The following ANO4 variants were observed in gnomAD, a reference collection of about 807,000 sequenced individuals.
ANO4 encodes anoctamin 4.
ANO4 carries 69 observed loss-of-function variants against 141.9 expected under a neutral mutation model. The observed-to-expected ratio is 0.49, with a 90% CI of 0.40 to 0.59. ANO4 has a LOEUF of 0.59. Among genes scored for constraint, ANO4 ranks in the 20% least tolerant of loss-of-function variants. The pLI is 0.00. For missense variants in ANO4, 894 were observed against 1,162.2 expected, an observed-to-expected ratio of 0.77 and a Z score of 3.36; for synonymous variants, 350 against 394.3, an observed-to-expected ratio of 0.89 and a Z score of 1.33.
At chr12:101,095,462 A>C (rs2049944843) in intron 18 of ANO4, among the ~76,000 whole-genome samples, 1 of 152,196 alleles carries the variant, frequency 6.6e-6, no homozygotes, top group South Asian at 2.1e-4. Context: ...CCATGTAACC[A>C]GGAGTTCAGT....
intron 1 of ANO4, among the ~76,000 whole-genome samples, chr12:100,847,713 C>T (rs528181298): frequency 1.2e-4 from 19 of 152,214 alleles, no homozygotes; most frequent in Admixed American, 4.6e-4. Context: ...CCTCATGATC[C>T]GCCTGCCTCG....
At chr12:100,768,407 C>T (rs994590560) in intron 3 of ANO4, among the ~76,000 whole-genome samples, 1 of 152,126 alleles carries the variant, frequency 6.6e-6, no homozygotes, top group Non-Finnish European at 1.5e-5. Context: ...TTCCTTGACT[C>T]TTGTGAAGGT....
intron 3 of ANO4, among the ~76,000 whole-genome samples, chr12:100,761,834 G>A (rs1446733347): frequency 6.6e-6 from 1 of 152,122 alleles, no homozygotes; most frequent in East Asian, 1.9e-4. Flanking sequence ...CACAATTCTA[G>A]TCTTCTTTCC....
At chr12:101,031,206 A>G (rs1331385547) in intron 9 of ANO4, among the ~76,000 whole-genome samples, 2 of 152,232 alleles carry the variant, frequency 1.3e-5, no homozygotes, top group Non-Finnish European at 2.9e-5. Flanking sequence ...GGCAAACCGA[A>G]TACAGCAGCA....
intron 1 of ANO4, among the ~76,000 whole-genome samples, chr12:100,730,618 A>G (rs1256492382): frequency 6.6e-6 from 1 of 152,148 alleles, no homozygotes; most frequent in African/African-American, 2.4e-5. Context: ...AACTCTGGAA[A>G]TTGCAAATTG....
chr12:100,991,533 A>G (rs1050415744), intron 8 of ANO4, among the ~76,000 whole-genome samples: 1 of 150,970 alleles, frequency 6.6e-6, no homozygotes, highest in Non-Finnish European at 1.5e-5. Context: ...AAAAAAAAAA[A>G]AGAGAAAAAC....
intron 1 of ANO4, among the ~76,000 whole-genome samples, chr12:100,845,872 C>T (rs2037531551): frequency 1.3e-5 from 2 of 152,180 alleles, no homozygotes; most frequent in South Asian, 4.1e-4. Flanking sequence ...GGTTTAGTTT[C>T]ATTGAGTAGA....
At chr12:100,755,415 A>G (rs1309584612) in intron 3 of ANO4, among the ~76,000 whole-genome samples, 1 of 152,184 alleles carries the variant, frequency 6.6e-6, no homozygotes, top group Non-Finnish European at 1.5e-5. Flanking sequence ...CATGAATCAT[A>G]GTTGAGTGTG....
intron 5 of ANO4, among the ~76,000 whole-genome samples, chr12:100,970,720 T>A (rs1566072111): frequency 8.2e-6 from 1 of 122,624 alleles, no homozygotes; most frequent in Non-Finnish European, 1.7e-5. Flanking sequence ...CTTCCTTCCT[T>A]CCTTCCTTCT....
intron 22 of ANO4, among the ~76,000 whole-genome samples, chr12:101,106,335 A>G (rs1266309410): frequency 3.3e-5 from 5 of 152,090 alleles, no homozygotes; most frequent in Non-Finnish European, 7.4e-5. Context: ...TGAAGATGTA[A>G]TGTCTGAGAA....
At chr12:100,911,233 G>A (rs1299046255) in intron 2 of ANO4, among the ~76,000 whole-genome samples, 1 of 152,178 alleles carries the variant, frequency 6.6e-6, no homozygotes, top group African/African-American at 2.4e-5. Flanking sequence ...AAGGCATGAA[G>A]AAGGGTAAGT....
At chr12:100,897,529 C>T (rs774799563) in intron 1 of ANO4, among the ~76,000 whole-genome samples, 5 of 152,194 alleles carry the variant, frequency 3.3e-5, no homozygotes, top group African/African-American at 7.2e-5. Context: ...CCCACACCTG[C>T]CCTATGGAAA....
At chr12:101,018,325 C>A (rs900530453) in intron 8 of ANO4, among the ~76,000 whole-genome samples, 9 of 152,302 alleles carry the variant, frequency 5.9e-5, no homozygotes, top group Non-Finnish European at 5.9e-5. Flanking sequence ...CTGCAGCATC[C>A]TCATTTACCC....
chr12:100,791,079 C>A (rs1353587931), upstream of ANO4, among the ~76,000 whole-genome samples: 1 of 152,160 alleles, frequency 6.6e-6, no homozygotes, highest in South Asian at 2.1e-4. Context: ...TTCCTCTTGG[C>A]CTTAAAATGT....
chr12:101,086,909 G>T lies in ANO4; in HGVS notation c.1701+85G>T, dbSNP rs990190043. On this transcript the variant is annotated intron_variant, in intron 17 of 27. Coordinates refer to ENST00000392977, the MANE Select transcript of ANO4 (RefSeq NM_001286615.2). ...TTTCTTCTGTTGCTAAGGGGATCTG[G>T]CCTCAGAGAGGTGGGCCATTCACAT... 3.4e-5 allele frequency: 51 copies of T among 1,486,262 alleles called. No individual in the cohort carries two copies. The East Asian group carries it at 1.2e-3, about 35-fold the overall frequency. The allele number at this position is 1,486,262 out of a possible 1,614,324, so 92.1% of individuals were successfully genotyped here. A position where few individuals can be genotyped will look rare whatever the true frequency, so the allele number is the denominator to read the frequency against.
At chr12:100,772,261 T>A (rs914459666) in intron 3 of ANO4, among the ~76,000 whole-genome samples, 7 of 152,218 alleles carry the variant, frequency 4.6e-5, no homozygotes, top group African/African-American at 1.7e-4. Context: ...GATCATGTGC[T>A]TGTATGAGTT....
intron 1 of ANO4, among the ~76,000 whole-genome samples, chr12:100,826,496 TG>T (rs2036350107): frequency 6.6e-6 from 1 of 152,046 alleles, no homozygotes; most frequent in Non-Finnish European, 1.5e-5. Flanking sequence ...TTTTTCTTTT[TG>T]TATTTGGTCC....
chr12:100,785,207 G>A (rs2033833909), intron 3 of ANO4, among the ~76,000 whole-genome samples: 1 of 152,120 alleles, frequency 6.6e-6, no homozygotes, highest in Non-Finnish European at 1.5e-5. Context: ...CACAAGGTTA[G>A]TATATTTGTT....
chr12:101,071,573 G>C (rs1245644019), intron 14 of ANO4, among the ~76,000 whole-genome samples: 1 of 151,898 alleles, frequency 6.6e-6, no homozygotes, highest in Non-Finnish European at 1.5e-5. Context: ...CTGAAGAGGA[G>C]GGGGGATGGT....
Sources: allele counts gnomAD v4.1 joint callset (sites outside exome capture counted in the v4.1 genomes callset), GRCh38; gene constraint gnomAD v4.1.1; transcripts MANE v1.5; gene names NCBI Gene and HGNC (gene_info 2026-07-23, HGNC 2026-07-21).